The following NHSL3 variants were observed in gnomAD, a reference collection of about 807,000 sequenced individuals.
NHSL3 encodes NHS like 3, also known as NHS-like protein 3.
the NHSL3 span, chr1:32,768,243 G>GGCTA: frequency 2.6e-6 from 2 of 758,752 alleles, no homozygotes; most frequent in East Asian, 4.9e-5. Flanking sequence ...GAACCCTGAG[G>GGCTA]GCTAGTTCAG....
chr1:32,770,019 G>C, the NHSL3 span: 1 of 1,596,034 alleles, frequency 6.3e-7, no homozygotes, highest in Non-Finnish European at 8.5e-7. The surrounding 1 kb of genome is among the most constrained non-coding windows in gnomAD (Gnocchi z 8.3). Context: ...CGCTGGAGGC[G>C]GAGGCGGAGG....
At chr1:32,758,087 G>A in the NHSL3 span, among the ~76,000 whole-genome samples, 1 of 152,148 alleles carries the variant, frequency 6.6e-6, no homozygotes, top group Non-Finnish European at 1.5e-5. Flanking sequence ...AAGGGTGAAG[G>A]TGTATGAGGT....
the NHSL3 span, among the ~76,000 whole-genome samples, chr1:32,757,520 G>A: frequency 6.6e-6 from 1 of 151,818 alleles, no homozygotes; most frequent in Non-Finnish European, 1.5e-5. Flanking sequence ...ATAAGACCTG[G>A]GATTAACCAG....
chr1:32,752,166 A>G, the NHSL3 span, among the ~76,000 whole-genome samples: 1 of 152,226 alleles, frequency 6.6e-6, no homozygotes, highest in African/African-American at 2.4e-5. Context: ...TGCTCAATGA[A>G]TATTTTCTAT....
the NHSL3 span, among the ~76,000 whole-genome samples, chr1:32,751,579 A>G: frequency 1.3e-5 from 2 of 152,194 alleles, no homozygotes; most frequent in Non-Finnish European, 1.5e-5. Context: ...GGGTGTGATC[A>G]GTACTATATC....
chr1:32,770,182 G>A, the NHSL3 span: 1 of 1,602,732 alleles, frequency 6.2e-7, no homozygotes, highest in Non-Finnish European at 8.5e-7. The surrounding 1 kb of genome is among the most constrained non-coding windows in gnomAD (Gnocchi z 8.3). Context: ...GGCAGGGCCT[G>A]CAGAGCCCCT....
the NHSL3 span, chr1:32,769,994 G>T: frequency 6.2e-7 from 1 of 1,605,432 alleles, no homozygotes; most frequent in East Asian, 2.2e-5. Flanking sequence ...ATGGGGGCCC[G>T]GGTGTCCCTG....
At chr1:32,742,200 C>A in the NHSL3 span, 5 of 1,247,080 alleles carry the variant, frequency 4.0e-6, no homozygotes, top group South Asian at 1.3e-4. Context: ...GTAAGGCGGT[C>A]GGCACCTGGG....
At chr1:32,742,376 C>T in the NHSL3 span, among the ~76,000 whole-genome samples, 1 of 152,210 alleles carries the variant, frequency 6.6e-6, no homozygotes, top group Non-Finnish European at 1.5e-5. Flanking sequence ...GTTTCCAGAC[C>T]CAGTCCTGCC....
the NHSL3 span, chr1:32,742,039 T>G: frequency 7.9e-7 from 1 of 1,258,018 alleles, no homozygotes; most frequent in Non-Finnish European, 1.0e-6. Flanking sequence ...GAAGTCCCGC[T>G]CCGGCGCGTC....
chr1:32,748,005 G>C, the NHSL3 span, among the ~76,000 whole-genome samples: 1 of 152,224 alleles, frequency 6.6e-6, no homozygotes, highest in Non-Finnish European at 1.5e-5. Flanking sequence ...GGCTACTCGG[G>C]AGGCTGAGGC....
the NHSL3 span, chr1:32,774,735 C>T: frequency 6.6e-6 from 1 of 152,470 alleles, no homozygotes; most frequent in East Asian, 1.9e-4. Context: ...AAGAGGCAGC[C>T]CTTCTTTGTC....
the NHSL3 span, among the ~76,000 whole-genome samples, chr1:32,760,590 T>G: frequency 1.0e-3 from 108 of 104,320 alleles, 1 homozygote; most frequent in African/African-American, 1.8e-3. Flanking sequence ...GTGTGTGTGT[T>G]TTTTTTTTTT....
At chr1:32,753,565 A>C in the NHSL3 span, among the ~76,000 whole-genome samples, 2 of 152,222 alleles carry the variant, frequency 1.3e-5, no homozygotes, top group Non-Finnish European at 2.9e-5. Flanking sequence ...AGCGGTTAGC[A>C]CAGAGCCTGG....
At chr1:32,764,730 C>A in the NHSL3 span, among the ~76,000 whole-genome samples, 1 of 152,182 alleles carries the variant, frequency 6.6e-6, no homozygotes, top group Non-Finnish European at 1.5e-5. Context: ...ACCTTGGCCT[C>A]CCAAAATGCT....
the NHSL3 span, among the ~76,000 whole-genome samples, chr1:32,755,653 A>G: frequency 6.6e-6 from 1 of 152,232 alleles, no homozygotes; most frequent in East Asian, 1.9e-4. Context: ...GGTCCAGGAA[A>G]GAGGGACTTG....
At chr1:32,754,028 G>C in the NHSL3 span, 2 of 548,308 alleles carry the variant, frequency 3.6e-6, no homozygotes, top group East Asian at 3.6e-5. Flanking sequence ...CCGGGGCTGC[G>C]GGCCCGGCGG....
chr1:32,772,188 C>T, the NHSL3 span: 2 of 1,613,204 alleles, frequency 1.2e-6, no homozygotes, highest in African/African-American at 1.3e-5. Context: ...TGGCAGAACT[C>T]CGGAGCATCT....
chr1:32,767,900 C>G, the NHSL3 span: 43 of 1,613,982 alleles, frequency 2.7e-5, no homozygotes, highest in South Asian at 2.1e-4. Context: ...GCGACCCCCC[C>G]ACCTGGAAGA....
Sources: allele counts gnomAD v4.1 joint callset (sites outside exome capture counted in the v4.1 genomes callset), GRCh38; gene constraint gnomAD v4.1.1; non-coding constraint Gnocchi (gnomAD v3.1); transcripts MANE v1.5; gene names NCBI Gene and HGNC (gene_info 2026-07-23, HGNC 2026-07-21).